The following ADAMTS19 variants were observed in gnomAD, a reference collection of about 807,000 sequenced individuals.
The protein encoded by ADAMTS19 is A disintegrin and metalloproteinase with thrombospondin motifs 19.
A neutral mutation model predicts 153.3 loss-of-function variants in ADAMTS19; 93 were observed. The ratio of observed to expected loss-of-function variants is 0.61; its 90% CI spans 0.51 to 0.72. The LOEUF (loss-of-function observed/expected upper bound fraction) is 0.72, where lower values mean the gene tolerates loss of function less well. ADAMTS19 is among the 30% of genes least tolerant of loss of function. ADAMTS19 has a pLI of 0.00. For missense variants in ADAMTS19, 1,482 were observed against 1,552.1 expected (o/e 0.95, Z 0.76); for synonymous variants, 600 against 556.6 (o/e 1.08, Z -1.10).
intron 17 of ADAMTS19, among the ~76,000 whole-genome samples, chr5:129,682,686 T>C (rs1754877333): frequency 6.6e-6 from 1 of 152,174 alleles, no homozygotes; most frequent in Non-Finnish European, 1.5e-5. Context: ...AGGCTGAAAG[T>C]CACTTATAAT....
At chr5:129,691,397 A>T (rs959678298) in intron 18 of ADAMTS19, among the ~76,000 whole-genome samples, 9 of 152,224 alleles carry the variant, frequency 5.9e-5, no homozygotes, top group Non-Finnish European at 8.8e-5. Flanking sequence ...TTCAGGCAGA[A>T]GGTCAGTTAT....
chr5:129,522,312 TATATACAC>T (rs1389580907), intron 3 of ADAMTS19, among the ~76,000 whole-genome samples: 3 of 95,262 alleles, frequency 3.1e-5, no homozygotes, highest in African/African-American at 1.7e-4. Flanking sequence ...TATATATATA[TATATACAC>T]ACACACACAC....
intron 6 of ADAMTS19, among the ~76,000 whole-genome samples, chr5:129,543,165 T>C (rs543342554): frequency 4.3e-4 from 65 of 152,056 alleles, no homozygotes; most frequent in Non-Finnish European, 7.4e-4. Context: ...TTCTCCTGCC[T>C]TAGCCTCTTC....
intron 16 of ADAMTS19, 124 bp downstream of exon 16, chr5:129,665,703 C>A: frequency 1.4e-6 from 1 of 707,654 alleles, no homozygotes; most frequent in Non-Finnish European, 2.1e-6. Context: ...CAGGAACTAT[C>A]TTTTGTCATA....
rs184134305 is a variant in ADAMTS19, at chr5:129,575,299, G to T, written c.1373-21260G>T. On this transcript the variant is annotated intron_variant, in intron 7 of 22. Transcript: ENST00000274487. ...AAAAAAGCAATTTATACAGCTTTTT[G>T]CTAGCATGATATTTAATTTTTTAAT... is the stretch of plus-strand genomic sequence containing the variant. Among the ~76,000 whole-genome samples, 155 of 152,130 alleles carry T rather than the reference G, an allele frequency of 1.0e-3. No homozygotes were observed. The Middle Eastern group carries it at 0.01, about 10-fold the overall frequency.
At chr5:129,732,466 A>G (rs939265499) in intron 21 of ADAMTS19, among the ~76,000 whole-genome samples, 2 of 152,118 alleles carry the variant, frequency 1.3e-5, no homozygotes, top group African/African-American at 2.4e-5. Flanking sequence ...GATAAATGGC[A>G]TCAGTGAAGT....
chr5:129,603,330 T>C (rs1196697811), intron 8 of ADAMTS19, among the ~76,000 whole-genome samples: 1 of 152,186 alleles, frequency 6.6e-6, no homozygotes, highest in East Asian at 1.9e-4. Flanking sequence ...TTTGTCCTTT[T>C]TGTGAAGCAT....
At chr5:129,658,520 T>C in intron 14 of ADAMTS19, 97 bp from the exon 15 acceptor site, 1 of 1,195,438 alleles carries the variant, frequency 8.4e-7, no homozygotes. Flanking sequence ...TACAATTAAA[T>C]ATATCTGGTT....
rs750485510 is a variant in ADAMTS19, at chr5:129,658,638, T to G, written c.2326T>G (p.Leu776Val). Residue 776 changes from leucine to valine, a missense_variant, in exon 15 of 23, where the codon TTA (leucine) becomes GTA (valine). Leu to Val is a conservative substitution (Grantham distance 32, BLOSUM62 1). Transcript: ENST00000274487. Reference sequence around the variant, plus strand: ...ACAGAAAGTTGGCTGTGATGGTTTATTAGGGTCTCTTGCAAGAGAAGATCA... The same window carrying G: ...ACAGAAAGTTGGCTGTGATGGTTTAGTAGGGTCTCTTGCAAGAGAAGATCA... ...RCQKVGCDGLLGSLAREDHCG... is the reference protein window; with the variant it reads ...RCQKVGCDGLVGSLAREDHCG... 2.5e-6 allele frequency: 4 copies of G among 1,613,110 alleles called. No homozygotes were observed. In the South Asian group the frequency reaches 3.3e-5, roughly 13 times the overall value.
chr5:129,726,138 G>C (rs574620189), intron 21 of ADAMTS19, among the ~76,000 whole-genome samples: 3 of 152,016 alleles, frequency 2.0e-5, no homozygotes, highest in African/African-American at 4.8e-5. Context: ...GATTGCTTTC[G>C]TTTTACTCTA....
At chr5:129,607,983 TATAAAC>T (rs1750989323) in intron 8 of ADAMTS19, among the ~76,000 whole-genome samples, 1 of 147,502 alleles carries the variant, frequency 6.8e-6, no homozygotes, top group Non-Finnish European at 1.5e-5. Flanking sequence ...ATTTCCATTA[TATAAAC>T]AATTCTATAT....
chr5:129,574,490 T>A (rs1754031238), intron 7 of ADAMTS19, among the ~76,000 whole-genome samples: 1 of 151,986 alleles, frequency 6.6e-6, no homozygotes, highest in Admixed American at 6.6e-5. Context: ...TTCTCATTGT[T>A]CAACACCCAC....
intron 21 of ADAMTS19, 93 bp from the exon 22 acceptor site, chr5:129,734,838 GA>G: frequency 2.7e-6 from 3 of 1,128,320 alleles, no homozygotes; most frequent in Non-Finnish European, 3.6e-6. Context: ...TTAATTTTAA[GA>G]AACATTTAGA....
chr5:129,551,150 A>G (rs1364934241), intron 6 of ADAMTS19, among the ~76,000 whole-genome samples: 1 of 151,668 alleles, frequency 6.6e-6, no homozygotes, highest in East Asian at 1.9e-4. Context: ...TTTGCCTAAG[A>G]TCACATAGCT....
chr5:129,478,774 G>A, intron 2 of ADAMTS19, among the ~76,000 whole-genome samples: 1 of 152,010 alleles, frequency 6.6e-6, no homozygotes, highest in East Asian at 1.9e-4. Flanking sequence ...GAACTGCTGA[G>A]CTCAAGTGAT....
intron 4 of ADAMTS19, among the ~76,000 whole-genome samples, chr5:129,526,728 T>C (rs529726793): frequency 7.9e-5 from 12 of 151,786 alleles, no homozygotes; most frequent in Non-Finnish European, 1.5e-4. Flanking sequence ...ACTGTTCTTT[T>C]CCTTTTTTAA....
At chr5:129,507,910 T>C (rs971187441) in intron 2 of ADAMTS19, among the ~76,000 whole-genome samples, 4 of 151,920 alleles carry the variant, frequency 2.6e-5, no homozygotes, top group African/African-American at 9.7e-5. Flanking sequence ...TTTACTTTAT[T>C]TGGTACAGAA....
chr5:129,644,393 A>G (rs918201291), intron 11 of ADAMTS19, among the ~76,000 whole-genome samples: 1 of 152,192 alleles, frequency 6.6e-6, no homozygotes, highest in Non-Finnish European at 1.5e-5. Flanking sequence ...CAAGCTCAAT[A>G]CATTGCTAAC....
At chr5:129,697,342 C>T (rs569688460) in intron 19 of ADAMTS19, among the ~76,000 whole-genome samples, 21 of 152,258 alleles carry the variant, frequency 1.4e-4, no homozygotes, top group African/African-American at 4.6e-4. Context: ...GAGGAGGGTC[C>T]ATTCAATCAG....
Sources: gnomAD v4.1 joint callset for allele counts (sites outside exome capture counted in the v4.1 genomes callset) on GRCh38, gnomAD v4.1.1 for gene constraint, MANE v1.5 for transcripts, NCBI Gene and HGNC (gene_info 2026-07-23, HGNC 2026-07-21) for gene names.